Variants in PTPN13 observed in about 807,000 individuals in gnomAD.
PTPN13 encodes tyrosine-protein phosphatase non-receptor type 13.
PTPN13 carries 191 observed loss-of-function variants against 284.0 expected under a neutral mutation model. The observed-to-expected ratio is 0.67, with a 90% CI of 0.60 to 0.76. The LOEUF (loss-of-function observed/expected upper bound fraction) is 0.76, where lower values mean the gene tolerates loss of function less well. PTPN13 is among the 30% of genes least tolerant of loss of function. PTPN13 has a pLI of 0.00. For missense variants in PTPN13, 2,797 were observed against 2,939.9 expected (o/e 0.95, Z 1.12); for synonymous variants, 986 against 1,022.3 (o/e 0.96, Z 0.68).
At chr4:86,720,231 GAAATT>G (rs1220475631) in intron 9 of PTPN13, among the ~76,000 whole-genome samples, 3 of 152,066 alleles carry the variant, frequency 2.0e-5, no homozygotes, top group African/African-American at 7.2e-5. Flanking sequence ...ATATTCAAGC[GAAATT>G]AAATCATTTT....
At chr4:86,787,056 A>G (rs1742010745) in intron 40 of PTPN13, among the ~76,000 whole-genome samples, 1 of 151,620 alleles carries the variant, frequency 6.6e-6, no homozygotes, top group Non-Finnish European at 1.5e-5. Context: ...TTGAGCGGAG[A>G]TCATGCCGTT....
At position 86,721,944 on chromosome 4, in the gene PTPN13, A is replaced by G. The variant is rs368582852; in HGVS notation, c.1386-268A>G. On this transcript the variant is annotated intron_variant, in intron 9 of 47. Coordinates refer to ENST00000411767, the MANE Select transcript of PTPN13 (RefSeq NM_080683.3). ...TATTTTTTTGTAGAGACAGGGTTTC[A>G]CCATGTTGCCCAGGCTGGTCTCGAA... Among the ~76,000 whole-genome samples, 116 of 151,644 alleles carry G rather than the reference A, an allele frequency of 7.6e-4. 1 individual carries two copies. In the South Asian group the frequency reaches 0.024, roughly 31 times the overall value.
At chr4:86,813,723 A>G (rs913945676) in intron 47 of PTPN13, among the ~76,000 whole-genome samples, 2 of 152,140 alleles carry the variant, frequency 1.3e-5, no homozygotes, top group Non-Finnish European at 2.9e-5. Context: ...TGGCAAGACA[A>G]TTATTTTGAA....
chr4:86,656,328 G>T (rs1313168930), intron 2 of PTPN13, among the ~76,000 whole-genome samples: 1 of 152,214 alleles, frequency 6.6e-6, no homozygotes, highest in African/African-American at 2.4e-5. Context: ...CTGGTTTTTA[G>T]AATTTTCAGC....
At chr4:86,721,656 A>G (rs1733657761) in intron 9 of PTPN13, among the ~76,000 whole-genome samples, 1 of 151,500 alleles carries the variant, frequency 6.6e-6, no homozygotes, top group African/African-American at 2.4e-5. Context: ...GGGGACAAAG[A>G]TCATATATGT....
At chr4:86,774,185 G>C (rs1057064245) in intron 32 of PTPN13, among the ~76,000 whole-genome samples, 188 bp from the exon 33 acceptor site, 4 of 152,176 alleles carry the variant, frequency 2.6e-5, no homozygotes, top group Non-Finnish European at 4.4e-5. Flanking sequence ...GGATGCAGTG[G>C]GGGGACAGTC....
Position 86,744,465 on chromosome 4 carries a change from G to C in PTPN13, c.2488-501G>C, listed in dbSNP as rs865800663. 1.4e-4 allele frequency among the ~76,000 whole-genome samples: 21 copies of C among 152,066 alleles called. No homozygotes were observed. The South Asian group carries it at 1.7e-3, about 12-fold the overall frequency. ...GACTGATATATACAATCTAGATTTA[G>C]GCTACAATTTCTGAAAGTGGCAAAC... On this transcript the variant is annotated intron_variant, in intron 16 of 47. Transcript: ENST00000411767.
intron 42 of PTPN13, among the ~76,000 whole-genome samples, chr4:86,801,405 A>G (rs1458879827): frequency 6.6e-6 from 1 of 152,182 alleles, no homozygotes; most frequent in African/African-American, 2.4e-5. Flanking sequence ...TAAATTTGAT[A>G]ATTTTTTGTA....
chr4:86,621,712 A>G (rs1269874442), intron 1 of PTPN13, among the ~76,000 whole-genome samples: 9 of 152,222 alleles, frequency 5.9e-5, no homozygotes, highest in Non-Finnish European at 1.2e-4. Flanking sequence ...ACTTTTTTAA[A>G]CATAACATAG....
chr4:86,629,622 C>T (rs1722236719), intron 1 of PTPN13, among the ~76,000 whole-genome samples: 1 of 152,132 alleles, frequency 6.6e-6, no homozygotes, highest in Non-Finnish European at 1.5e-5. Context: ...TTCATATCTA[C>T]AAAAACATTG....
chr4:86,635,374 A>AAGCTGC lies in PTPN13; in HGVS notation c.115+4_115+9dup. 6.3e-7 allele frequency: 1 copy of AAGCTGC among 1,587,018 alleles called. No individual in the cohort carries two copies. The highest frequency in any genetic ancestry group is 8.6e-7 in the Non-Finnish European group (1 of 1,166,372). ...TCTCCAAGAATTATTCAGAAAAGGT[A>AAGCTGC]AGCTGCTGCTGCTGCTGCTGTTGTT... is the stretch of plus-strand genomic sequence containing the variant. On this transcript the variant is annotated splice_donor_region_variant and intron_variant, in intron 2 of 47. Transcript: ENST00000411767.
intron 7 of PTPN13, 128 bp from the exon 8 acceptor site, chr4:86,716,402 T>A: frequency 3.2e-6 from 2 of 618,158 alleles, no homozygotes; most frequent in Non-Finnish European, 5.5e-6. Flanking sequence ...TTGAATACAC[T>A]CCAGCAATTG....
Position 86,762,918 on chromosome 4 carries a change from T to G in PTPN13, c.3745T>G (p.Ser1249Ala), listed in dbSNP as rs1162080119. Reference sequence around the variant, plus strand: ...GGAAGGAAGCCTGAGTTCTCAAGATTCCAGGACTGAGAGTGCCAGCTTGTC... The same window carrying G: ...GGAAGGAAGCCTGAGTTCTCAAGATGCCAGGACTGAGAGTGCCAGCTTGTC... The part of the protein sequence containing the change: ...LREGSLSSQD[S>A]RTESASLSQS... Residue 1249 changes from serine to alanine, a missense_variant, in exon 24 of 48, where the codon TCC becomes GCC. By Grantham distance (99) the Ser-to-Ala change is moderately conservative. Transcript: ENST00000411767. 6.2e-7 allele frequency: 1 copy of G among 1,613,836 alleles called. No homozygotes were observed.
intron 1 of PTPN13, among the ~76,000 whole-genome samples, chr4:86,597,758 G>A (rs996837392): frequency 1.4e-4 from 22 of 152,202 alleles, no homozygotes; most frequent in South Asian, 2.1e-4. Context: ...CATTTCTTAG[G>A]ATAAAAAGAG....
Position 86,805,369 on chromosome 4 carries a change from T to G in PTPN13, c.6745T>G (p.Tyr2249Asp). ...GAACAGATATAAAAATATACTTCCCTGTAAGTTCCAGTTTGGCTTCAGATT... is the reference window on the plus strand; with the variant it reads ...GAACAGATATAAAAATATACTTCCCGGTAAGTTCCAGTTTGGCTTCAGATT... ...RKNRYKNILPYDATRVPLGDE... is the reference protein window; with the variant it reads ...RKNRYKNILPDDATRVPLGDE... Residue 2249 changes from tyrosine (Y) to aspartate (D), a missense_variant and splice_region_variant, in exon 44 of 48, where the codon TAT becomes GAT. Tyr to Asp is a radical substitution (Grantham distance 160). Transcript: ENST00000411767. 1 of 1,563,674 alleles carries G rather than the reference T, an allele frequency of 6.4e-7. No homozygotes were observed. Among genetic ancestry groups the G allele is most frequent in the South Asian group, 1.1e-5 (1 of 87,024 alleles).
In PTPN13 at chr4:86,814,161, G is replaced by A. The variant is rs1049045870; in HGVS notation, c.7363-295G>A. 6.6e-5 allele frequency among the ~76,000 whole-genome samples: 10 copies of A among 151,090 alleles called. No individual in the cohort carries two copies. The East Asian group carries it at 1.4e-3, about 21-fold the overall frequency. On this transcript the variant is annotated intron_variant, in intron 47 of 47. Coordinates refer to ENST00000411767, the MANE Select transcript of PTPN13 (RefSeq NM_080683.3). ...AGCTGGGACTACAGGCGCGTGCCACGACGCCCAGCTAATTTTTGTATTTTT... is the reference window on the plus strand; with the variant it reads ...AGCTGGGACTACAGGCGCGTGCCACAACGCCCAGCTAATTTTTGTATTTTT...
In PTPN13 at chr4:86,814,000, C is replaced by CTT. The variant is rs535405150; in HGVS notation, c.7363-431_7363-430dup. Among the ~76,000 whole-genome samples the CTT allele has an allele frequency of 1.4e-3, 138 of 100,054 alleles. 16 individuals are homozygous for CTT. Among genetic ancestry groups the CTT allele is most frequent in the African/African-American group, 3.8e-3 (90 of 23,860 alleles). 65.6% of individuals were successfully genotyped at this position (100,054 alleles called of 152,430 possible). On this transcript the variant is annotated intron_variant, in intron 47 of 47. Transcript: ENST00000411767. The stretch of plus-strand genomic sequence containing the variant: ...TACCACACAATTCTATACCCTGCTT[C>CTT]TTTTTTTTTTTTTTTTTTTTTTTTT...
intron 9 of PTPN13, among the ~76,000 whole-genome samples, chr4:86,720,393 C>CT (rs1554321683): frequency 1.3e-5 from 2 of 151,750 alleles, no homozygotes; most frequent in Non-Finnish European, 2.9e-5. Context: ...GGTAAACTGT[C>CT]TTTTTTTTCA....
chr4:86,745,001 A>T lies in PTPN13; in HGVS notation c.2523A>T (p.Gly841=), dbSNP rs1223502564. The T allele has an allele frequency of 6.3e-7, 1 of 1,593,686 alleles. No individual in the cohort carries two copies. The highest frequency in any genetic ancestry group is 8.6e-7 in the Non-Finnish European group (1 of 1,168,974). Residue 841 remains glycine (G), a synonymous_variant, in exon 17 of 48, where the codon GGA becomes GGT. Coordinates refer to ENST00000411767, the MANE Select transcript of PTPN13 (RefSeq NM_080683.3). Reference sequence around the variant, plus strand: ...TCACATTGCAAAATACATCAGATGGAATAAAACATGGCTTCCAGACAGACA... The same window carrying T: ...TCACATTGCAAAATACATCAGATGGTATAAAACATGGCTTCCAGACAGACA... ...KKITLQNTSD[G]IKHGFQTDNS... is the part of the protein sequence containing the mutation.
Sources: gnomAD v4.1 joint callset for allele counts (sites outside exome capture counted in the v4.1 genomes callset) on GRCh38, gnomAD v4.1.1 for gene constraint, MANE v1.5 for transcripts, NCBI Gene and HGNC (gene_info 2026-07-23, HGNC 2026-07-21) for gene names.